The following KCNT2 variants were observed in gnomAD, a reference collection of about 807,000 sequenced individuals.
KCNT2 encodes potassium channel subfamily T member 2.
Under a neutral mutation model 153.8 loss-of-function variants are expected in KCNT2, and 67 were observed. The ratio of observed to expected loss-of-function variants is 0.44; its 90% confidence interval spans 0.36 to 0.53. KCNT2 has a LOEUF of 0.53. KCNT2 is among the 20% of genes least tolerant of loss of function. The pLI is 0.00. For synonymous variants in KCNT2, 500 were observed against 458.8 expected (o/e 1.09, Z -1.15); for missense variants, 975 against 1,354.8 (o/e 0.72, Z 4.40).
chr1:196,414,922 T>C (rs1672634825), intron 12 of KCNT2, among the ~76,000 whole-genome samples: 1 of 151,880 alleles, frequency 6.6e-6, no homozygotes. Context: ...GCACATAAAA[T>C]GACAGTGACA....
chr1:196,449,712 C>G (rs1675988533), intron 8 of KCNT2, among the ~76,000 whole-genome samples: 1 of 151,086 alleles, frequency 6.6e-6, no homozygotes, highest in Admixed American at 6.6e-5. Flanking sequence ...AGAAGAAAAG[C>G]AATGAATCAC....
chr1:196,575,976 TAAA>T (rs67161739), intron 1 of KCNT2, among the ~76,000 whole-genome samples: 1 of 130,314 alleles, frequency 7.7e-6, no homozygotes. Flanking sequence ...AGACCCTGTC[TAAA>T]AAAAAAAAAA....
intron 14 of KCNT2, among the ~76,000 whole-genome samples, chr1:196,347,583 T>G (rs1206173392): frequency 1.3e-5 from 2 of 152,206 alleles, no homozygotes; most frequent in Admixed American, 1.3e-4. Context: ...CTCAAATTAT[T>G]TCATGTCACT....
At chr1:196,244,249 G>A (rs1001263737) in intron 26 of KCNT2, among the ~76,000 whole-genome samples, 6 of 152,112 alleles carry the variant, frequency 3.9e-5, no homozygotes, top group African/African-American at 1.4e-4. Context: ...CTGGCATCAG[G>A]TATGACCCAG....
chr1:196,288,020 G>A (rs1306814938), intron 22 of KCNT2, among the ~76,000 whole-genome samples: 1 of 152,012 alleles, frequency 6.6e-6, no homozygotes, highest in Non-Finnish European at 1.5e-5. Context: ...CTGAATTAGA[G>A]GTGATGTCTA....
chr1:196,350,339 C>T (rs1182855531), intron 14 of KCNT2, among the ~76,000 whole-genome samples: 1 of 152,136 alleles, frequency 6.6e-6, no homozygotes, highest in Non-Finnish European at 1.5e-5. Context: ...TAAAAGTGTT[C>T]CTCTTTCTCC....
At chr1:196,466,604 T>G (rs1677638253) in intron 7 of KCNT2, among the ~76,000 whole-genome samples, 1 of 152,098 alleles carries the variant, frequency 6.6e-6, no homozygotes, top group Admixed American at 6.6e-5. Context: ...GATAAAATAC[T>G]ATACATACAT....
At chr1:196,266,003 A>T (rs112857184) in intron 25 of KCNT2, among the ~76,000 whole-genome samples, 7,552 of 152,256 alleles carry the variant, frequency 0.05, 284 homozygotes, top group Non-Finnish European at 0.071. Flanking sequence ...AACAAAAAAC[A>T]GCACCAGCCC....
intron 1 of KCNT2, among the ~76,000 whole-genome samples, chr1:196,568,782 T>G (rs79966971): frequency 5.6e-3 from 4 of 708 alleles, no homozygotes; most frequent in African/African-American, 5.5e-3. Context: ...ATAATGAGCT[T>G]TTTTTTTTTT....
intron 26 of KCNT2, among the ~76,000 whole-genome samples, chr1:196,254,626 A>G (rs1656299817): frequency 6.6e-6 from 1 of 151,732 alleles, no homozygotes; most frequent in Non-Finnish European, 1.5e-5. Flanking sequence ...AGCTGAAAAC[A>G]GAAGATGATG....
intron 14 of KCNT2, among the ~76,000 whole-genome samples, chr1:196,349,205 A>G (rs1321853267): frequency 6.6e-6 from 1 of 152,214 alleles, no homozygotes; most frequent in African/African-American, 2.4e-5. Flanking sequence ...GAAAAAGGAA[A>G]AAAGCAGTCT....
intron 1 of KCNT2, among the ~76,000 whole-genome samples, chr1:196,500,068 T>C (rs1272822204): frequency 1.3e-5 from 2 of 151,258 alleles, no homozygotes; most frequent in Non-Finnish European, 2.9e-5. Flanking sequence ...CACTTGAACT[T>C]GGGAGGTGGA....
intron 1 of KCNT2, among the ~76,000 whole-genome samples, chr1:196,606,275 C>A (rs2149042906): frequency 6.6e-6 from 1 of 152,282 alleles, no homozygotes; most frequent in Non-Finnish European, 1.5e-5. Context: ...GTGAAGGAAA[C>A]AGCCAAGGAC....
chr1:196,608,107 C>G, intron 1 of KCNT2, 108 bp downstream of exon 1: 1 of 947,794 alleles, frequency 1.1e-6, no homozygotes, highest in South Asian at 1.3e-5. Flanking sequence ...CCTAGTCTCC[C>G]TCTCTGGCTC....
chr1:196,575,407 T>C (rs1478688354), intron 1 of KCNT2, among the ~76,000 whole-genome samples: 1 of 152,074 alleles, frequency 6.6e-6, no homozygotes, highest in East Asian at 1.9e-4. Flanking sequence ...AAAATGTCCA[T>C]AGCGCTAAAC....
intron 5 of KCNT2, 22 bp downstream of exon 5, chr1:196,479,157 A>G: frequency 1.4e-6 from 2 of 1,398,316 alleles, no homozygotes; most frequent in Non-Finnish European, 2.0e-6. Flanking sequence ...TCAGCGGGAA[A>G]CTGCTAATTA....
At chr1:196,336,360 T>C (rs963402648) in intron 16 of KCNT2, among the ~76,000 whole-genome samples, 1 of 152,144 alleles carries the variant, frequency 6.6e-6, no homozygotes, top group Non-Finnish European at 1.5e-5. Flanking sequence ...TCCAGCTCTT[T>C]CCCTCTTGAT....
intron 14 of KCNT2, among the ~76,000 whole-genome samples, chr1:196,364,693 G>A (rs1425168877): frequency 6.6e-6 from 1 of 151,980 alleles, no homozygotes; most frequent in East Asian, 1.9e-4. Flanking sequence ...TGTAAATCAG[G>A]TATTCTGTTT....
chr1:196,524,370 G>A (rs1004143780), intron 1 of KCNT2, among the ~76,000 whole-genome samples: 1 of 151,856 alleles, frequency 6.6e-6, no homozygotes, highest in Non-Finnish European at 1.5e-5. Flanking sequence ...AATAAGGGGG[G>A]AAAAAAAGTG....
Sources: gnomAD v4.1 joint callset for allele counts (sites outside exome capture counted in the v4.1 genomes callset) on GRCh38, gnomAD v4.1.1 for gene constraint, MANE v1.5 for transcripts, NCBI Gene and HGNC (gene_info 2026-07-23, HGNC 2026-07-21) for gene names.